SWAP70: variants seen among roughly 807,000 people sequenced by gnomAD.
SWAP70 encodes the protein switch-associated protein 70.
In SWAP70, 34 loss-of-function variants were observed where a neutral mutation model predicts 80.2. That is an observed-to-expected ratio of 0.42 (90% confidence interval 0.32 to 0.56). The LOEUF is 0.56. SWAP70 is among the 20% of genes least tolerant of loss of function. The probability of loss-of-function intolerance (pLI) is 0.09; values close to 1 mark genes in which losing one functional copy is unlikely to be tolerated. For synonymous variants in SWAP70, 239 were observed against 238.5 expected (o/e 1.00, Z -0.02); for missense variants, 578 against 690.7 (o/e 0.84, Z 1.83).
intron 1 of SWAP70, among the ~76,000 whole-genome samples, chr11:9,672,098 AT>A (rs1434215021): frequency 1.6e-5 from 2 of 128,524 alleles, no homozygotes; most frequent in Non-Finnish European, 3.1e-5. Context: ...TTTAAATATA[AT>A]TATAATATAA....
chr11:9,752,406 T>C lies in SWAP70; in HGVS notation c.*2436T>C, dbSNP rs1322177857. The C allele has an allele frequency of 6.6e-6, 1 of 152,250 alleles. No homozygotes were observed. Among genetic ancestry groups the C allele is most frequent in the African/African-American group, 2.4e-5 (1 of 41,462 alleles). The allele number at this position is 152,250 out of a possible 1,614,324, so 9.4% of individuals were successfully genotyped here. A position where few individuals can be genotyped will look rare whatever the true frequency, so the allele number is the denominator to read the frequency against. On this transcript the variant is annotated 3_prime_UTR_variant, in exon 12 of 12. Coordinates refer to ENST00000318950, the MANE Select transcript of SWAP70 (RefSeq NM_015055.4). ...TACGACTAAGCGGTTACATATGTGG[T>C]TGTGCAAAAGCTTTCTGTTTAATGC...
intron 3 of SWAP70, chr11:9,719,921 T>C: frequency 4.7e-6 from 1 of 211,054 alleles, no homozygotes; most frequent in Non-Finnish European, 8.2e-6. Context: ...TTAATGATGA[T>C]AGAGAAAGCA....
intron 1 of SWAP70, among the ~76,000 whole-genome samples, chr11:9,685,136 A>G (rs1376561890): frequency 1.4e-5 from 2 of 143,772 alleles, no homozygotes; most frequent in Admixed American, 7.1e-5. Flanking sequence ...TTTTTTTGAG[A>G]TGGAGTCTCG....
chr11:9,734,663 AG>A (rs1456583213), intron 7 of SWAP70, among the ~76,000 whole-genome samples: 1 of 152,224 alleles, frequency 6.6e-6, no homozygotes, highest in Non-Finnish European at 1.5e-5. Context: ...ATTTTGAGAC[AG>A]GGTCCCGCTC....
At chr11:9,706,620 C>T (rs1243340672) in intron 2 of SWAP70, among the ~76,000 whole-genome samples, 1 of 152,022 alleles carries the variant, frequency 6.6e-6, no homozygotes, top group Non-Finnish European at 1.5e-5. Flanking sequence ...TGTGCATTTT[C>T]CTCTCACATT....
At chr11:9,713,079 G>A (rs1345162237) in intron 2 of SWAP70, among the ~76,000 whole-genome samples, 1 of 152,176 alleles carries the variant, frequency 6.6e-6, no homozygotes, top group African/African-American at 2.4e-5. Context: ...TCTTCCATGT[G>A]CTAGGATTGG....
At chr11:9,716,494 T>C (rs1851067642) in intron 3 of SWAP70, among the ~76,000 whole-genome samples, 1 of 152,224 alleles carries the variant, frequency 6.6e-6, no homozygotes, top group Non-Finnish European at 1.5e-5. Context: ...TGTGACAAAT[T>C]ACTCACTCTC....
intron 3 of SWAP70, among the ~76,000 whole-genome samples, chr11:9,722,819 C>T (rs424455): frequency 0.32 from 48,397 of 151,982 alleles, 7,952 homozygotes; most frequent in Non-Finnish European, 0.34. Context: ...CCTATATTTG[C>T]GTGGCACATG....
chr11:9,721,276 A>G (rs1022577826), intron 3 of SWAP70, among the ~76,000 whole-genome samples: 9 of 152,044 alleles, frequency 5.9e-5, no homozygotes, highest in African/African-American at 2.2e-4. Context: ...AATATCTGAT[A>G]AGTTTAACAG....
At chr11:9,720,645 T>C (rs534901) in intron 3 of SWAP70, among the ~76,000 whole-genome samples, 53,452 of 151,904 alleles carry the variant, frequency 0.35, 9,729 homozygotes, top group African/African-American at 0.42. Flanking sequence ...TGTGCCTGTA[T>C]TCCCTGTACC....
Position 9,711,514 on chromosome 11 carries a change from G to C in SWAP70, c.241-1952G>C, listed in dbSNP as rs537400302. ...TGTCTCACACCTCAAAATCTGGAAA[G>C]TTCAGGTACTCATTTTTCCCTGTTC... On this transcript the variant is annotated intron_variant, in intron 2 of 11. Coordinates refer to ENST00000318950, the MANE Select transcript of SWAP70 (RefSeq NM_015055.4). Among the ~76,000 whole-genome samples, 4 of 152,268 alleles carry C rather than the reference G, an allele frequency of 2.6e-5. No homozygotes were observed. The South Asian group carries it at 8.3e-4, about 32-fold the overall frequency.
chr11:9,708,295 C>CAAT (rs1298334429), intron 2 of SWAP70, among the ~76,000 whole-genome samples: 1 of 152,186 alleles, frequency 6.6e-6, no homozygotes, highest in East Asian at 1.9e-4. Context: ...CACATCCTAA[C>CAAT]AATAACACTT....
chr11:9,697,035 G>A (rs558878212), intron 2 of SWAP70, among the ~76,000 whole-genome samples: 12 of 152,028 alleles, frequency 7.9e-5, no homozygotes, highest in African/African-American at 1.9e-4. Flanking sequence ...AACATAGTGA[G>A]ACCTTGTCTC....
In SWAP70 at chr11:9,702,041, C is replaced by T. The variant is rs188092436; in HGVS notation, c.240+7755C>T. ...CTTTTTGTATTTGGTTTTTTGGAAA[C>T]ATACACAAAAGAAAAACACAGAGAA... On this transcript the variant is annotated intron_variant, in intron 2 of 11. Coordinates refer to ENST00000318950, the MANE Select transcript of SWAP70 (RefSeq NM_015055.4). 6.0e-4 allele frequency among the ~76,000 whole-genome samples: 92 copies of T among 152,262 alleles called. 1 individual carries two copies. Among genetic ancestry groups the T allele is most frequent in the African/African-American group, 2.0e-3 (85 of 41,576 alleles).
At chr11:9,676,734 C>T (rs1850505875) in intron 1 of SWAP70, among the ~76,000 whole-genome samples, 3 of 150,882 alleles carry the variant, frequency 2.0e-5, no homozygotes, top group Admixed American at 2.0e-4. Flanking sequence ...ACTGCAAGCT[C>T]CGCCTCCTGG....
At chr11:9,745,960 A>G (rs891635783) in intron 9 of SWAP70, among the ~76,000 whole-genome samples, 1 of 152,226 alleles carries the variant, frequency 6.6e-6, no homozygotes, top group African/African-American at 2.4e-5. Context: ...GAGCAGCCCC[A>G]ACTACAGCCC....
In SWAP70 at chr11:9,752,872, T is replaced by G. The variant is rs1210859894; in HGVS notation, c.*2902T>G. 1 of 152,248 alleles carries G rather than the reference T, an allele frequency of 6.6e-6. No individual in the cohort carries two copies. Among genetic ancestry groups the G allele is most frequent in the Non-Finnish European group, 1.5e-5 (1 of 68,046 alleles). 9.4% of individuals were successfully genotyped at this position (152,248 alleles called of 1,614,324 possible). On this transcript the variant is annotated 3_prime_UTR_variant, in exon 12 of 12. Transcript: ENST00000318950. ...AACTTTCTCAATTTTTTGCTAATTT[T>G]TCTAAGATACATTAAAAATGTTTTA...
Position 9,664,252 on chromosome 11 carries a change from G to A in SWAP70, c.73G>A (p.Gly25Ser). 2.5e-6 allele frequency: 4 copies of A among 1,589,144 alleles called. No homozygotes were observed. The highest frequency in any genetic ancestry group is 3.4e-6 in the Non-Finnish European group (4 of 1,168,526). ...AFTALDQDHS[G>S]KVSKSQLKVL... ...CACCGCACTCGACCAGGACCACAGC[G>A]GCAAGGTCTCCAAGTCCCAGCTCAA... The change falls in exon 1 of 12, where the codon GGC (glycine) becomes AGC (serine). Residue 25 changes from glycine to serine, a missense_variant. Transcript: ENST00000318950.
chr11:9,730,985 T>C (rs1271516664), intron 6 of SWAP70, among the ~76,000 whole-genome samples: 1 of 152,226 alleles, frequency 6.6e-6, no homozygotes, highest in East Asian at 1.9e-4. Flanking sequence ...TTTATGTCCA[T>C]GAGTACCCAG....
Sources: allele counts gnomAD v4.1 joint callset (sites outside exome capture counted in the v4.1 genomes callset), GRCh38; gene constraint gnomAD v4.1.1; transcripts MANE v1.5; gene names NCBI Gene and HGNC (gene_info 2026-07-23, HGNC 2026-07-21).